PDE5A: variants seen among roughly 807,000 people sequenced by gnomAD.
PDE5A encodes the protein cGMP-specific 3',5'-cyclic phosphodiesterase.
PDE5A carries 67 observed loss-of-function variants against 110.2 expected under a neutral mutation model. The observed-to-expected ratio is 0.61, with a 90% CI of 0.50 to 0.75. The LOEUF (loss-of-function observed/expected upper bound fraction) is 0.75, where lower values mean the gene tolerates loss of function less well. PDE5A is among the 30% of genes least tolerant of loss of function. The pLI is 0.00. For missense variants in PDE5A, 862 were observed against 1,045.1 expected, an observed-to-expected ratio of 0.82 and a Z score of 2.42; for synonymous variants, 328 against 351.2, an observed-to-expected ratio of 0.93 and a Z score of 0.74.
At chr4:119,578,919 C>A (rs1476054573) in intron 3 of PDE5A, among the ~76,000 whole-genome samples, 21 of 151,950 alleles carry the variant, frequency 1.4e-4, no homozygotes, top group South Asian at 4.2e-4. Flanking sequence ...AAATGGGAGA[C>A]AATTTTTGCA....
chr4:119,625,472 T>G (rs1730313700), intron 1 of PDE5A, among the ~76,000 whole-genome samples: 1 of 139,034 alleles, frequency 7.2e-6, no homozygotes, highest in South Asian at 2.4e-4. Flanking sequence ...GATCATTTAG[T>G]CTGAGAAAAG....
chr4:119,601,515 C>A (rs1729348536), intron 2 of PDE5A, among the ~76,000 whole-genome samples: 2 of 150,180 alleles, frequency 1.3e-5, no homozygotes, highest in Non-Finnish European at 3.0e-5. Flanking sequence ...TTGTATGTAA[C>A]CTTTTTAATA....
intron 9 of PDE5A, chr4:119,549,341 G>A (rs1013174279): frequency 6.6e-6 from 1 of 152,232 alleles, no homozygotes; most frequent in Non-Finnish European, 1.5e-5. Context: ...AAGTTTGAAA[G>A]TGTAAGAGAC....
chr4:119,587,083 C>A (rs1481213695), intron 3 of PDE5A, among the ~76,000 whole-genome samples: 1 of 152,108 alleles, frequency 6.6e-6, no homozygotes, highest in East Asian at 1.9e-4. Flanking sequence ...GGGCAGTGTG[C>A]AGAAGGAAAA....
intron 1 of PDE5A, chr4:119,628,050 C>A (rs891696917): frequency 1.0e-6 from 1 of 986,018 alleles, no homozygotes; most frequent in African/African-American, 1.7e-5. Context: ...CGTCCCTCAC[C>A]CCAGCTTCCC....
Position 119,627,322 on chromosome 4 carries a change from C to G in PDE5A, c.152+1198G>C, listed in dbSNP as rs1730390277. On this transcript the variant is annotated intron_variant, in intron 1 of 20. Coordinates refer to ENST00000354960, the MANE Select transcript of PDE5A (RefSeq NM_001083.4). The surrounding 1 kb of genome is among the most constrained non-coding windows in gnomAD (Gnocchi z 4.6). ...CGGCCCCGGCCTCCGCGCCGCCGCC[C>G]GTCGCCTCCCGCTCGCCCCGCGCTG... is the stretch of plus-strand genomic sequence containing the variant. The G allele has an allele frequency of 3.4e-6, 4 of 1,172,242 alleles. No homozygotes were observed. Among genetic ancestry groups the G allele is most frequent in the Admixed American group, 4.1e-5 (1 of 24,370 alleles). The allele number at this position is 1,172,242 out of a possible 1,614,324, so 72.6% of individuals were successfully genotyped here.
intron 1 of PDE5A, among the ~76,000 whole-genome samples, chr4:119,611,019 T>C (rs1729723344): frequency 6.6e-6 from 1 of 152,170 alleles, no homozygotes; most frequent in African/African-American, 2.4e-5. Flanking sequence ...CCCCTACAAA[T>C]AGGTTCCTCT....
intron 9 of PDE5A, chr4:119,550,543 C>T (rs778532342): frequency 6.6e-6 from 1 of 152,180 alleles, no homozygotes; most frequent in African/African-American, 2.4e-5. Flanking sequence ...TCGTCTAACT[C>T]GCTCTCATTT....
intron 1 of PDE5A, among the ~76,000 whole-genome samples, chr4:119,620,021 G>A (rs1460524366): frequency 1.3e-5 from 2 of 152,158 alleles, no homozygotes; most frequent in Non-Finnish European, 2.9e-5. Context: ...TCACATGGAT[G>A]GGGGTGGCCC....
chr4:119,519,016 AT>A (rs1227753332), intron 14 of PDE5A, 28 bp downstream of exon 14: 1 of 1,528,018 alleles, frequency 6.5e-7, no homozygotes, highest in South Asian at 1.1e-5. Flanking sequence ...AAAAGAAAAC[AT>A]TTTCTTGCTT....
At chr4:119,602,709 G>C (rs921403663) in intron 2 of PDE5A, among the ~76,000 whole-genome samples, 1 of 152,162 alleles carries the variant, frequency 6.6e-6, no homozygotes, top group African/African-American at 2.4e-5. Flanking sequence ...AAAATATATT[G>C]ATAAATAGTT....
chr4:119,619,085 A>G (rs976088270), intron 1 of PDE5A, among the ~76,000 whole-genome samples: 1 of 152,180 alleles, frequency 6.6e-6, no homozygotes, highest in Non-Finnish European at 1.5e-5. Context: ...AGAGTATACT[A>G]AATTTTCTGA....
At chr4:119,609,748 T>C (rs1361594835) in intron 1 of PDE5A, among the ~76,000 whole-genome samples, 9 of 152,282 alleles carry the variant, frequency 5.9e-5, no homozygotes, top group East Asian at 3.9e-4. Flanking sequence ...GTATTGTATA[T>C]TTAAAAATTG....
chr4:119,517,327 T>G (rs937518506), intron 14 of PDE5A, among the ~76,000 whole-genome samples: 5 of 152,156 alleles, frequency 3.3e-5, no homozygotes, highest in African/African-American at 1.2e-4. Flanking sequence ...ATGGGAATAT[T>G]TATGGTACTC....
chr4:119,533,535 G>A (rs762659785), intron 11 of PDE5A, among the ~76,000 whole-genome samples: 1 of 152,132 alleles, frequency 6.6e-6, no homozygotes, highest in Non-Finnish European at 1.5e-5. Context: ...CTTTTAAAAC[G>A]GGAATGAGTA....
intron 20 of PDE5A, chr4:119,500,266 T>G (rs1578717664): frequency 2.0e-5 from 3 of 151,510 alleles, no homozygotes; most frequent in African/African-American, 4.9e-5. Flanking sequence ...CACCTAGTTT[T>G]TTTTTTTTTT....
chr4:119,554,283 T>G (rs1578770640), intron 7 of PDE5A, among the ~76,000 whole-genome samples: 1 of 152,306 alleles, frequency 6.6e-6, no homozygotes, highest in East Asian at 1.9e-4. Context: ...TCTTTCCCTT[T>G]GTTCAGTTTC....
chr4:119,606,430 G>A (rs1729532211), intron 2 of PDE5A, among the ~76,000 whole-genome samples: 2 of 152,054 alleles, frequency 1.3e-5, no homozygotes, highest in Admixed American at 6.6e-5. Context: ...ATATAACCAT[G>A]AGATGAGCTA....
At chr4:119,577,028 T>C (rs544998972) in intron 3 of PDE5A, among the ~76,000 whole-genome samples, 1 of 152,092 alleles carries the variant, frequency 6.6e-6, no homozygotes, top group South Asian at 2.1e-4. Context: ...CCCAGAGAAA[T>C]AAAACTACCA....
Sources: allele counts gnomAD v4.1 joint callset (sites outside exome capture counted in the v4.1 genomes callset), GRCh38; gene constraint gnomAD v4.1.1; non-coding constraint Gnocchi (gnomAD v3.1); transcripts MANE v1.5; gene names NCBI Gene and HGNC (gene_info 2026-07-23, HGNC 2026-07-21).